Variants in GPM6A observed in about 807,000 individuals in gnomAD.
GPM6A encodes the protein neuronal membrane glycoprotein M6-a.
A neutral mutation model predicts 32.1 loss-of-function variants in GPM6A; 7 were observed. That is an observed-to-expected ratio of 0.22 (90% confidence interval 0.12 to 0.41). The LOEUF is 0.41. Among genes scored for constraint, GPM6A ranks in the 10% least tolerant of loss-of-function variants. GPM6A has a pLI of 1.00. For missense variants in GPM6A, 235 were observed against 347.2 expected (o/e 0.68, Z 2.57); for synonymous variants, 130 against 123.4 (o/e 1.05, Z -0.35).
chr4:175,947,216 C>T (rs1332656050), intron 1 of GPM6A, among the ~76,000 whole-genome samples: 1 of 151,242 alleles, frequency 6.6e-6, no homozygotes, highest in African/African-American at 2.4e-5. Flanking sequence ...GCTCGAATTT[C>T]CTCAATAATT....
intron 3 of GPM6A, among the ~76,000 whole-genome samples, chr4:175,664,536 A>G (rs775997839): frequency 6.6e-6 from 1 of 152,226 alleles, no homozygotes; most frequent in Non-Finnish European, 1.5e-5. Flanking sequence ...ACTAACTGCA[A>G]TACTTTCTTC....
intron 1 of GPM6A, among the ~76,000 whole-genome samples, chr4:175,824,133 A>C (rs763996003): frequency 6.6e-6 from 1 of 152,202 alleles, no homozygotes; most frequent in Admixed American, 6.5e-5. Context: ...CATTTTCTCA[A>C]GGATGTTTTA....
chr4:175,979,595 G>A (rs1016001045), intron 1 of GPM6A, among the ~76,000 whole-genome samples: 2 of 148,854 alleles, frequency 1.3e-5, no homozygotes, highest in Non-Finnish European at 2.9e-5. Context: ...AGGACTTAAA[G>A]TATAATAAAA....
intron 1 of GPM6A, among the ~76,000 whole-genome samples, chr4:175,980,516 A>G (rs546324670): frequency 1.3e-5 from 2 of 152,336 alleles, no homozygotes; most frequent in South Asian, 2.1e-4. Flanking sequence ...TCATATGTGT[A>G]AGATCAATGC....
In GPM6A at chr4:175,932,114, G is replaced by GA. The variant is rs1250249336; in HGVS notation, c.-23+70194dup. On this transcript the variant is annotated intron_variant, in intron 1 of 7. Coordinates refer to the GPM6A transcript ENST00000280187. ...TGCCTCTAGGAAAAAAAAAAAAAAAGAAAAAAAAAGGAAAGAAAAAAGTGC... is the reference window on the plus strand; with the variant it reads ...TGCCTCTAGGAAAAAAAAAAAAAAAGAAAAAAAAAAGGAAAGAAAAAAGTGC... Among the ~76,000 whole-genome samples, 19 of 144,160 alleles carry GA rather than the reference G, an allele frequency of 1.3e-4. No individual in the cohort carries two copies. The East Asian group carries it at 1.6e-3, about 12-fold the overall frequency. 94.6% of individuals were successfully genotyped at this position (144,160 alleles called of 152,430 possible).
chr4:175,817,940 C>G (rs1735159213), intron 1 of GPM6A, among the ~76,000 whole-genome samples: 1 of 152,134 alleles, frequency 6.6e-6, no homozygotes, highest in African/African-American at 2.4e-5. Flanking sequence ...AGTTTGGAGC[C>G]TAAAGGTAGA....
chr4:175,750,249 G>A (rs1047829221), intron 1 of GPM6A, among the ~76,000 whole-genome samples: 5 of 151,958 alleles, frequency 3.3e-5, no homozygotes, highest in African/African-American at 4.8e-5. Flanking sequence ...TTAGAGATGG[G>A]GTTTCACCAT....
chr4:175,971,662 A>G (rs992283640), intron 1 of GPM6A, among the ~76,000 whole-genome samples: 1 of 152,196 alleles, frequency 6.6e-6, no homozygotes. Context: ...TGTGCAGTGA[A>G]TAGAGAGATG....
chr4:175,637,172 ATATATGTGACATATATCATATAT>A lies in GPM6A; in HGVS notation c.685-2138_685-2116del, dbSNP rs1740695066. 6.9e-5 allele frequency among the ~76,000 whole-genome samples: 6 copies of A among 86,706 alleles called. No individual in the cohort carries two copies. In the South Asian group the frequency reaches 1.9e-3, roughly 27 times the overall value. 56.9% of individuals were successfully genotyped at this position (86,706 alleles called of 152,430 possible). A position where few individuals can be genotyped will look rare whatever the true frequency, so the allele number is the denominator to read the frequency against. Reference sequence around the variant, plus strand: ...TATTATATGTCACATATAATATATCATATATGTGACATATATCATATATTATATGTGACATAATATATCATATA... The same window carrying A: ...TATTATATGTCACATATAATATATCATATATGTGACATAATATATCATATA... On this transcript the variant is annotated intron_variant, in intron 6 of 6. Transcript: ENST00000393658.
At chr4:175,789,185 A>G (rs1312246417) in intron 1 of GPM6A, among the ~76,000 whole-genome samples, 1 of 152,218 alleles carries the variant, frequency 6.6e-6, no homozygotes. Flanking sequence ...CTTCTTTTTA[A>G]AAGTGCTATA....
chr4:175,902,509 C>G (rs950996957), intron 1 of GPM6A, among the ~76,000 whole-genome samples: 6 of 152,100 alleles, frequency 3.9e-5, no homozygotes, highest in Non-Finnish European at 7.4e-5. Context: ...TCTTTCCTTT[C>G]TTTGTCACCA....
chr4:175,724,189 G>A (rs1276408241), intron 1 of GPM6A, among the ~76,000 whole-genome samples: 4 of 152,146 alleles, frequency 2.6e-5, no homozygotes, highest in Non-Finnish European at 5.9e-5. Flanking sequence ...CTATGTTAAG[G>A]GAAATAAGCC....
upstream of GPM6A, among the ~76,000 whole-genome samples, chr4:175,813,363 A>G (rs532693638): frequency 2.6e-5 from 4 of 152,346 alleles, no homozygotes; most frequent in African/African-American, 9.6e-5. Context: ...CAGCCTACTG[A>G]GTGACAGGGC....
At chr4:175,637,299 A>ATATAT (rs1740745046) in intron 6 of GPM6A, among the ~76,000 whole-genome samples, 6 of 39,592 alleles carry the variant, frequency 1.5e-4, no homozygotes, top group East Asian at 2.3e-3. Context: ...AATATATATT[A>ATATAT]TATATTATAT....
chr4:175,690,059 T>C (rs1293047077), intron 2 of GPM6A, among the ~76,000 whole-genome samples: 1 of 152,198 alleles, frequency 6.6e-6, no homozygotes, highest in Non-Finnish European at 1.5e-5. Flanking sequence ...CCTGGAGTAC[T>C]GCAAACTCTT....
At chr4:175,779,536 T>C (rs1415656213) in intron 1 of GPM6A, among the ~76,000 whole-genome samples, 1 of 152,206 alleles carries the variant, frequency 6.6e-6, no homozygotes, top group African/African-American at 2.4e-5. Context: ...GCCTTCTTGG[T>C]ACTGTTCTAC....
At chr4:175,642,552 G>A (rs2110890478) in intron 4 of GPM6A, among the ~76,000 whole-genome samples, 1 of 152,266 alleles carries the variant, frequency 6.6e-6, no homozygotes, top group South Asian at 2.1e-4. Flanking sequence ...CAAGTTGACA[G>A]TATTAAACAC....
intron 1 of GPM6A, among the ~76,000 whole-genome samples, chr4:175,884,423 C>T (rs1737384371): frequency 6.6e-6 from 1 of 152,100 alleles, no homozygotes; most frequent in Admixed American, 6.5e-5. Flanking sequence ...CAGACTGTTT[C>T]ATACAATAGA....
At chr4:175,806,630 A>G (rs1179993855) in intron 1 of GPM6A, among the ~76,000 whole-genome samples, 1 of 152,252 alleles carries the variant, frequency 6.6e-6, no homozygotes, top group South Asian at 2.1e-4. Flanking sequence ...TAATAACCAC[A>G]ACAATGCAGA....
Sources: gnomAD v4.1 joint callset for allele counts (sites outside exome capture counted in the v4.1 genomes callset) on GRCh38, gnomAD v4.1.1 for gene constraint, MANE v1.5 for transcripts, NCBI Gene and HGNC (gene_info 2026-07-23, HGNC 2026-07-21) for gene names.